KIRREL3: variants seen among roughly 807,000 people sequenced by gnomAD.
KIRREL3 encodes the protein kirre like nephrin family adhesion molecule 3.
A neutral mutation model predicts 89.7 loss-of-function variants in KIRREL3; 36 were observed. That is an observed-to-expected ratio of 0.40 (90% confidence interval 0.31 to 0.53). The LOEUF is 0.53. KIRREL3 is among the 20% of genes least tolerant of loss of function. The pLI, the probability that KIRREL3 is intolerant of heterozygous loss-of-function variation, is 0.49. For synonymous variants in KIRREL3, 445 were observed against 441.4 expected (o/e 1.01, Z -0.10); for missense variants, 864 against 1,056.6 (o/e 0.82, Z 2.53).
intron 6 of KIRREL3, among the ~76,000 whole-genome samples, chr11:126,461,430 T>C (rs1956537821): frequency 6.6e-6 from 1 of 152,138 alleles, no homozygotes; most frequent in Non-Finnish European, 1.5e-5. Flanking sequence ...TCACCCTAGC[T>C]CTAGGCTTGG....
At position 126,965,096 on chromosome 11, in the gene KIRREL3, C is replaced by A. The variant is rs1273996958; in HGVS notation, c.55+35359G>T. 6.6e-6 allele frequency among the ~76,000 whole-genome samples: 1 copy of A among 152,080 alleles called. No individual in the cohort carries two copies. The highest frequency in any genetic ancestry group is 6.6e-5 in the Admixed American group (1 of 15,260). On this transcript the variant is annotated intron_variant, in intron 1 of 16. Transcript: ENST00000525144. The surrounding 1 kb of genome is among the most constrained non-coding windows in gnomAD (Gnocchi z 4.4). ...AAAAAGTTAAGTAATTTTACCTAGG[C>A]CACAGAAAAAGCGGCTCAAGAACAG... is the stretch of plus-strand genomic sequence containing the variant.
chr11:126,531,839 G>A lies in KIRREL3; in HGVS notation c.134-5152C>T, dbSNP rs555577570. ...TTTCTGTCTTGTGTTCCCAGCTGTGGGTGAGCACCGGTTACACGTCTGTCA... is the reference window on the plus strand; with the variant it reads ...TTTCTGTCTTGTGTTCCCAGCTGTGAGTGAGCACCGGTTACACGTCTGTCA... On this transcript the variant is annotated intron_variant, in intron 2 of 16. Transcript: ENST00000525144. The surrounding 1 kb of genome is among the most constrained non-coding windows in gnomAD (Gnocchi z 4.7). Among the ~76,000 whole-genome samples the A allele has an allele frequency of 6.6e-6, 1 of 152,270 alleles. No homozygotes were observed. Among genetic ancestry groups the A allele is most frequent in the South Asian group, 2.1e-4 (1 of 4,818 alleles).
chr11:126,551,799 C>T lies in KIRREL3; in HGVS notation c.133+11036G>A, dbSNP rs1341418291. On this transcript the variant is annotated intron_variant, in intron 2 of 16. Coordinates refer to ENST00000525144, the MANE Select transcript of KIRREL3 (RefSeq NM_032531.4). The surrounding 1 kb of genome is among the most constrained non-coding windows in gnomAD (Gnocchi z 4.9). ...TAGCTGGGATTACAGGCATGCGCCA[C>T]CATGCCCGACTAATTTTTGTATTTT... Among the ~76,000 whole-genome samples, 7 of 152,142 alleles carry T rather than the reference C, an allele frequency of 4.6e-5. No homozygotes were observed. Among genetic ancestry groups the T allele is most frequent in the Non-Finnish European group, 8.8e-5 (6 of 68,032 alleles).
At chr11:126,691,202 A>G (rs1946867841) in intron 1 of KIRREL3, among the ~76,000 whole-genome samples, 1 of 152,180 alleles carries the variant, frequency 6.6e-6, no homozygotes, top group Non-Finnish European at 1.5e-5. Context: ...GATGGGAAGG[A>G]GAAATTGTAC....
chr11:126,538,280 G>C (rs2134481242), intron 2 of KIRREL3, among the ~76,000 whole-genome samples: 1 of 152,342 alleles, frequency 6.6e-6, no homozygotes, highest in Middle Eastern at 3.4e-3. Context: ...GAAGGCTTAA[G>C]AATACTTATA....
intron 8 of KIRREL3, among the ~76,000 whole-genome samples, chr11:126,447,486 C>T (rs1333758407): frequency 1.3e-5 from 2 of 152,228 alleles, no homozygotes; most frequent in Non-Finnish European, 1.5e-5. Context: ...GTTTCCCACC[C>T]GGTGCTCTCA....
Position 126,976,211 on chromosome 11 carries a change from T to C in KIRREL3, c.55+24244A>G, listed in dbSNP as rs1591411156. Among the ~76,000 whole-genome samples, 1 of 152,202 alleles carries C rather than the reference T, an allele frequency of 6.6e-6. No individual in the cohort carries two copies. The highest frequency in any genetic ancestry group is 2.1e-4 in the South Asian group (1 of 4,804). ...CTCCTCCAATTAAGACCCTGCAATA[T>C]ACCTGACAGAGGAAAATTTGTTTAT... On this transcript the variant is annotated intron_variant, in intron 1 of 16. Coordinates refer to ENST00000525144, the MANE Select transcript of KIRREL3 (RefSeq NM_032531.4). This position sits in a 1 kb window ranked among gnomAD's most constrained non-coding sequence, Gnocchi z 4.2.
chr11:126,530,660 G>A lies in KIRREL3; in HGVS notation c.134-3973C>T, dbSNP rs576693572. On this transcript the variant is annotated intron_variant, in intron 2 of 16. Transcript: ENST00000525144. This position sits in a 1 kb window ranked among gnomAD's most constrained non-coding sequence, Gnocchi z 5.8. ...ACCTGGGCGTCTCAGATGGAGCACA[G>A]AGTAGGTGCCTCACAGGCTCAGGTC... Among the ~76,000 whole-genome samples, 1 of 152,180 alleles carries A rather than the reference G, an allele frequency of 6.6e-6. No individual in the cohort carries two copies. The highest frequency in any genetic ancestry group is 2.1e-4 in the South Asian group (1 of 4,828).
intron 4 of KIRREL3, among the ~76,000 whole-genome samples, chr11:126,500,890 G>A (rs1957836226): frequency 6.6e-6 from 1 of 152,212 alleles, no homozygotes; most frequent in Admixed American, 6.5e-5. Context: ...CTGACCATGT[G>A]AGGAGTTCAA....
At chr11:126,545,499 G>C (rs1452795772) in intron 2 of KIRREL3, among the ~76,000 whole-genome samples, 1 of 152,082 alleles carries the variant, frequency 6.6e-6, no homozygotes. Context: ...GGCCAGGCAC[G>C]GTGGCCCACG....
rs1054803196 is a variant in KIRREL3 at position 126,994,732 on chromosome 11, G to A, written c.55+5723C>T. On this transcript the variant is annotated intron_variant, in intron 1 of 16. Transcript: ENST00000525144. The surrounding 1 kb of genome is among the most constrained non-coding windows in gnomAD (Gnocchi z 5.2). ...AGTGAATGAAAGTTAACGTGCAGTA[G>A]GGGGAGGTTCAATGGGGGAGAAGAT... is the stretch of plus-strand genomic sequence containing the variant. Among the ~76,000 whole-genome samples the A allele has an allele frequency of 6.6e-6, 1 of 152,168 alleles. No homozygotes were observed. Among genetic ancestry groups the A allele is most frequent in the Admixed American group, 6.5e-5 (1 of 15,282 alleles).
At chr11:126,821,329 G>GTACATATATATATATATA (rs1943210231) in intron 1 of KIRREL3, among the ~76,000 whole-genome samples, 1 of 103,490 alleles carries the variant, frequency 9.7e-6, no homozygotes, top group Non-Finnish European at 1.8e-5. Context: ...GATAAACACA[G>GTACATATATATATATATA]TATATATATA....
In KIRREL3 at chr11:126,965,845, G is replaced by C. The variant is rs926901097; in HGVS notation, c.55+34610C>G. ...CCAGACAGGTGACAGAACTCGATGT[G>C]TGTGGGTATCAGGTCAGCAGCTTTG... is the stretch of plus-strand genomic sequence containing the variant. On this transcript the variant is annotated intron_variant, in intron 1 of 16. Transcript: ENST00000525144. This position sits in a 1 kb window ranked among gnomAD's most constrained non-coding sequence, Gnocchi z 4.4. 6.6e-6 allele frequency among the ~76,000 whole-genome samples: 1 copy of C among 152,186 alleles called. No individual in the cohort carries two copies. Among genetic ancestry groups the C allele is most frequent in the African/African-American group, 2.4e-5 (1 of 41,458 alleles).
chr11:126,514,858 AC>A (rs1330455911), intron 4 of KIRREL3, among the ~76,000 whole-genome samples: 4,254 of 103,972 alleles, frequency 0.041, 259 homozygotes, highest in African/African-American at 0.15. Context: ...ACAACACAAC[AC>A]AACACAACAA....
intron 1 of KIRREL3, among the ~76,000 whole-genome samples, chr11:126,625,798 TC>T (rs1446620669): frequency 6.6e-6 from 1 of 152,140 alleles, no homozygotes; most frequent in African/African-American, 2.4e-5. Context: ...TACTATCCCA[TC>T]CCAGGAAACC....
intron 1 of KIRREL3, among the ~76,000 whole-genome samples, chr11:126,959,114 T>G (rs1793663): frequency 0.88 from 134,310 of 151,838 alleles, 59,533 homozygotes; most frequent in Middle Eastern, 0.96. Context: ...CACCAGTGTT[T>G]CCCTGCCTAC....
intron 1 of KIRREL3, among the ~76,000 whole-genome samples, chr11:126,842,043 G>A (rs10893585): frequency 0.21 from 31,666 of 152,116 alleles, 4,021 homozygotes; most frequent in East Asian, 0.43. Context: ...AGGAGTGGAT[G>A]CGTGTCCACT....
intron 1 of KIRREL3, among the ~76,000 whole-genome samples, chr11:126,646,319 G>C (rs1036968551): frequency 0.062 from 13 of 210 alleles, no homozygotes; most frequent in African/African-American, 0.15. Flanking sequence ...GTTCTTGTTA[G>C]TGCCTTCCTG....
chr11:126,603,994 C>A (rs1305683258), intron 1 of KIRREL3, among the ~76,000 whole-genome samples: 2 of 152,198 alleles, frequency 1.3e-5, no homozygotes, highest in East Asian at 3.8e-4. Flanking sequence ...CCAAAGAATG[C>A]CATAATTCAC....
Sources: allele counts gnomAD v4.1 joint callset (sites outside exome capture counted in the v4.1 genomes callset), GRCh38; gene constraint gnomAD v4.1.1; non-coding constraint Gnocchi (gnomAD v3.1); transcripts MANE v1.5; gene names NCBI Gene and HGNC (gene_info 2026-07-23, HGNC 2026-07-21).